ARMC2: variants seen among roughly 807,000 people sequenced by gnomAD.
ARMC2 encodes armadillo repeat containing 2, also known as armadillo repeat-containing protein 2.
A neutral mutation model predicts 90.3 loss-of-function variants in ARMC2; 67 were observed. The observed-to-expected ratio is 0.74, with a 90% CI of 0.61 to 0.91. ARMC2 has a LOEUF of 0.91. ARMC2 is among the 40% of genes least tolerant of loss of function. ARMC2 has a pLI of 0.00. For missense variants in ARMC2, 920 were observed against 1,030.9 expected, an observed-to-expected ratio of 0.89 and a Z score of 1.47; for synonymous variants, 393 against 393.0, an observed-to-expected ratio of 1.00 and a Z score of 0.00.
At chr6:109,048,544 A>G in the ARMC2 span, among the ~76,000 whole-genome samples, 1 of 152,220 alleles carries the variant, frequency 6.6e-6, no homozygotes, top group Non-Finnish European at 1.5e-5. Context: ...AAGGGCCTTT[A>G]CAAAATCTTT....
In ARMC2 at chr6:108,876,215, T is replaced by G. The variant is rs1325891862; in HGVS notation, c.536T>G (p.Leu179Ter). The change falls in exon 5 of 18, where the codon TTA (leucine) becomes TGA (stop). Residue 179 changes from leucine (L) to a stop codon, truncating the protein, a stop_gained. Coordinates refer to ENST00000392644, the MANE Select transcript of ARMC2 (RefSeq NM_032131.6). LOFTEE classifies it high-confidence loss of function. ...ATGGTGAAAATAAATGGGATTTATT[T>G]AACAAAATCAAATGCTATTTGCCAC... is the stretch of plus-strand genomic sequence containing the variant. ...DSMVKINGIY[L>*]TKSNAICHLK... is the part of the protein sequence containing the mutation. 6.2e-7 allele frequency: 1 copy of G among 1,612,990 alleles called. No homozygotes were observed.
chr6:108,850,025 A>G (rs1445013335), intron 1 of ARMC2, among the ~76,000 whole-genome samples: 1 of 152,248 alleles, frequency 6.6e-6, no homozygotes, highest in South Asian at 2.1e-4. Flanking sequence ...TGTTGCAGAC[A>G]TCCTGGTAGT....
At chr6:108,911,401 A>T (rs1205757963) in intron 9 of ARMC2, among the ~76,000 whole-genome samples, 4 of 152,188 alleles carry the variant, frequency 2.6e-5, no homozygotes, top group Non-Finnish European at 5.9e-5. Context: ...CCTGACATCA[A>T]CATGTTTCAA....
At chr6:109,044,311 C>CAAAAAAAAAA in the ARMC2 span, among the ~76,000 whole-genome samples, 17 of 28,458 alleles carry the variant, frequency 6.0e-4, 2 homozygotes, top group South Asian at 1.1e-3. Context: ...GAACTTGCCT[C>CAAAAAAAAAA]AAAAAAAAAA....
Position 108,964,224 on chromosome 6 carries a change from A to G in ARMC2, c.2197A>G (p.Ile733Val), listed in dbSNP as rs372950754. 9 of 1,613,962 alleles carry G rather than the reference A, an allele frequency of 5.6e-6. No homozygotes were observed. Among genetic ancestry groups the G allele is most frequent in the Non-Finnish European group, 7.6e-6 (9 of 1,179,870 alleles). ...MALLDAQHQD[I>V]CFSACGVLLN... ...GCTGCTGGATGCTCAGCATCAGGAT[A>G]TCTGCTTTTCTGCCTGTGGTGTTCT... is the stretch of plus-strand genomic sequence containing the variant. The change falls in exon 16 of 18, where the codon ATC (isoleucine) becomes GTC (valine). Residue 733 changes from isoleucine to valine, a missense_variant. Physicochemically the swap from Ile to Val is conservative, Grantham distance 29. Coordinates refer to ENST00000392644, the MANE Select transcript of ARMC2 (RefSeq NM_032131.6).
rs370942863 is a variant in ARMC2, at chr6:108,911,562, T to C, written c.1126+561T>C. ...CAAGAAAAGAAAATACAAAGTATTT[T>C]CCATGCAGCAACATGGAAAATACAT... On this transcript the variant is annotated intron_variant, in intron 9 of 17. Transcript: ENST00000392644. Among the ~76,000 whole-genome samples, 28 of 152,282 alleles carry C rather than the reference T, an allele frequency of 1.8e-4. No homozygotes were observed. The East Asian group carries it at 3.7e-3, about 20-fold the overall frequency.
chr6:108,907,569 G>T, intron 8 of ARMC2: 1 of 1,499,692 alleles, frequency 6.7e-7, no homozygotes, highest in Non-Finnish European at 9.2e-7. Context: ...AGGGGCTCGG[G>T]CCAAGGTCGT....
the ARMC2 span, among the ~76,000 whole-genome samples, chr6:109,009,813 G>A: frequency 6.6e-6 from 1 of 152,126 alleles, no homozygotes; most frequent in African/African-American, 2.4e-5. Flanking sequence ...GCACTGTCAG[G>A]AAGGTGCAGC....
At chr6:108,998,198 T>G in the ARMC2 span, among the ~76,000 whole-genome samples, 1 of 152,210 alleles carries the variant, frequency 6.6e-6, no homozygotes, top group African/African-American at 2.4e-5. Flanking sequence ...CTCATGTCAC[T>G]GCAGTAGCCA....
At chr6:108,865,586 A>G (rs977712047) in intron 3 of ARMC2, among the ~76,000 whole-genome samples, 1 of 152,232 alleles carries the variant, frequency 6.6e-6, no homozygotes, top group Admixed American at 6.5e-5. Flanking sequence ...TTTTTATTAT[A>G]TACAGTTACT....
At chr6:108,890,403 T>A (rs975668955) in intron 5 of ARMC2, among the ~76,000 whole-genome samples, 6 of 150,646 alleles carry the variant, frequency 4.0e-5, no homozygotes, top group African/African-American at 1.5e-4. Context: ...GTCAGTGTAC[T>A]AAGCAGAGTC....
intron 5 of ARMC2, among the ~76,000 whole-genome samples, chr6:108,890,214 A>C (rs866601764): frequency 1.2e-4 from 14 of 117,402 alleles, no homozygotes; most frequent in African/African-American, 3.0e-4. Context: ...AAAAAAAAAA[A>C]AAAAAAAAAA....
chr6:108,882,136 TAA>T (rs201951522), intron 5 of ARMC2, among the ~76,000 whole-genome samples: 3 of 143,080 alleles, frequency 2.1e-5, no homozygotes, highest in East Asian at 2.0e-4. Flanking sequence ...ATCATTCTCT[TAA>T]AAAAAAAAAA....
chr6:108,961,926 A>G (rs1020925697), intron 14 of ARMC2, 88 bp from the exon 15 acceptor site: 2 of 1,014,554 alleles, frequency 2.0e-6, no homozygotes, highest in East Asian at 2.6e-5. Context: ...TTTGAAAATC[A>G]TCAGTATTAA....
At chr6:109,023,758 A>C in the ARMC2 span, among the ~76,000 whole-genome samples, 1 of 152,376 alleles carries the variant, frequency 6.6e-6, no homozygotes, top group South Asian at 2.1e-4. Flanking sequence ...AATGAGTAAA[A>C]TTACCATTTG....
chr6:108,865,353 A>G (rs1418533419), intron 3 of ARMC2, among the ~76,000 whole-genome samples: 4 of 152,202 alleles, frequency 2.6e-5, no homozygotes, highest in Admixed American at 6.5e-5. Context: ...TATAAGAGAA[A>G]CATGTTTGCT....
At chr6:108,932,556 T>G (rs1210344800) in intron 11 of ARMC2, among the ~76,000 whole-genome samples, 1 of 124,346 alleles carries the variant, frequency 8.0e-6, no homozygotes, top group Non-Finnish European at 1.6e-5. Context: ...TGAGACGGAG[T>G]CTTGCTCTGT....
chr6:109,051,770 G>A, the ARMC2 span, among the ~76,000 whole-genome samples: 1 of 152,142 alleles, frequency 6.6e-6, no homozygotes, highest in African/African-American at 2.4e-5. Flanking sequence ...CTGGAGGCTG[G>A]AAAGTCCAGG....
intron 8 of ARMC2, among the ~76,000 whole-genome samples, chr6:108,905,827 G>C (rs1772627505): frequency 6.6e-6 from 1 of 152,108 alleles, no homozygotes; most frequent in East Asian, 1.9e-4. Flanking sequence ...AGAGTGCAGA[G>C]CTGGGTAGGT....
Sources: allele counts gnomAD v4.1 joint callset (sites outside exome capture counted in the v4.1 genomes callset), GRCh38; gene constraint gnomAD v4.1.1; transcripts MANE v1.5; gene names NCBI Gene and HGNC (gene_info 2026-07-23, HGNC 2026-07-21).